Variants in RBFOX1 observed in about 807,000 individuals in gnomAD.
RBFOX1 encodes the protein RNA binding fox-1 homolog 1.
In RBFOX1, 8 loss-of-function variants were observed where a neutral mutation model predicts 57.7. That is an observed-to-expected ratio of 0.14 (90% CI 0.08 to 0.25). The LOEUF (loss-of-function observed/expected upper bound fraction) is 0.25. Ranked by LOEUF, RBFOX1 falls within the 10% of genes least tolerant of loss-of-function variation. RBFOX1 has a pLI of 1.00. For synonymous variants in RBFOX1, 326 were observed against 222.4 expected, an observed-to-expected ratio of 1.47 and a Z score of -4.15; for missense variants, 611 against 548.5, an observed-to-expected ratio of 1.11 and a Z score of -1.14.
intron 4 of RBFOX1, among the ~76,000 whole-genome samples, chr16:7,275,161 G>C (rs1485765291): frequency 6.6e-6 from 1 of 152,064 alleles, no homozygotes; most frequent in African/African-American, 2.4e-5. Flanking sequence ...AAGAGAGAAA[G>C]AAGGGATAGA....
At chr16:5,816,233 C>T (rs1013005152) in intron 3 of RBFOX1, among the ~76,000 whole-genome samples, 8 of 152,166 alleles carry the variant, frequency 5.3e-5, no homozygotes, top group South Asian at 2.1e-4. Context: ...CAGAAGCAGG[C>T]GGAATACCTT....
At chr16:5,987,753 A>T (rs2060310475) in intron 4 of RBFOX1, among the ~76,000 whole-genome samples, 1 of 152,156 alleles carries the variant, frequency 6.6e-6, no homozygotes, top group African/African-American at 2.4e-5. Context: ...TTTGAGGTTT[A>T]TCTTTTTTGT....
intron 4 of RBFOX1, among the ~76,000 whole-genome samples, chr16:7,202,697 G>C (rs1321244552): frequency 2.6e-5 from 4 of 152,282 alleles, no homozygotes; most frequent in African/African-American, 7.2e-5. Flanking sequence ...AAACTCTTTT[G>C]TGAACTCTGC....
At chr16:6,741,264 A>G (rs1353828788) in intron 3 of RBFOX1, among the ~76,000 whole-genome samples, 2 of 152,208 alleles carry the variant, frequency 1.3e-5, no homozygotes, top group Middle Eastern at 3.2e-3. Flanking sequence ...AAAACATAAA[A>G]CTATAAAACT....
intron 1 of RBFOX1, among the ~76,000 whole-genome samples, chr16:5,261,393 A>G (rs1319476743): frequency 7.9e-5 from 12 of 152,148 alleles, no homozygotes; most frequent in Non-Finnish European, 5.9e-5. Context: ...TAAAGAGCTC[A>G]GAAATACTGT....
At chr16:7,394,814 C>T (rs1597352119) in intron 4 of RBFOX1, among the ~76,000 whole-genome samples, 2 of 152,210 alleles carry the variant, frequency 1.3e-5, no homozygotes, top group African/African-American at 4.8e-5. Flanking sequence ...GCTGCAGACT[C>T]ATCCAGGATT....
intron 4 of RBFOX1, among the ~76,000 whole-genome samples, chr16:7,383,557 C>A (rs1458027496): frequency 6.6e-6 from 1 of 152,138 alleles, no homozygotes; most frequent in Non-Finnish European, 1.5e-5. Flanking sequence ...ACTTTCCTGA[C>A]ATATTGACCT....
At position 5,743,046 on chromosome 16, in the gene RBFOX1, G is replaced by T. The variant is rs563658153; in HGVS notation, c.319-124257G>T. 4.6e-5 allele frequency among the ~76,000 whole-genome samples: 7 copies of T among 151,340 alleles called. No homozygotes were observed. In the South Asian group the frequency reaches 1.5e-3, roughly 32 times the overall value. Reference sequence around the variant, plus strand: ...GATTAACTCCGCTTACTATTAGCCTGTTTTTTTTTCTCCAAGTGCTTTTCT... The same window carrying T: ...GATTAACTCCGCTTACTATTAGCCTTTTTTTTTTTCTCCAAGTGCTTTTCT... On this transcript the variant is annotated intron_variant, in intron 3 of 19. Transcript: ENST00000641259.
At chr16:6,947,389 C>CCTGG (rs1176733744) in intron 3 of RBFOX1, among the ~76,000 whole-genome samples, 1 of 152,146 alleles carries the variant, frequency 6.6e-6, no homozygotes, top group African/African-American at 2.4e-5. Context: ...AATCGCTCTC[C>CCTGG]CTGGTTTCCT....
intron 5 of RBFOX1, among the ~76,000 whole-genome samples, chr16:7,560,085 A>G (rs1224850061): frequency 6.6e-6 from 1 of 152,234 alleles, no homozygotes; most frequent in African/African-American, 2.4e-5. Context: ...TGGGTGTTCC[A>G]CACCCTTACC....
At chr16:5,286,932 A>G (rs1311372948) in intron 1 of RBFOX1, among the ~76,000 whole-genome samples, 1 of 152,184 alleles carries the variant, frequency 6.6e-6, no homozygotes, top group Non-Finnish European at 1.5e-5. Flanking sequence ...ACCAGTCACA[A>G]TTTATTCCCT....
intron 1 of RBFOX1, among the ~76,000 whole-genome samples, chr16:5,437,588 A>G (rs964198559): frequency 6.6e-6 from 1 of 152,346 alleles, no homozygotes; most frequent in Admixed American, 6.5e-5. Flanking sequence ...TGCACTAAAA[A>G]TTGTTTTTAA....
intron 3 of RBFOX1, among the ~76,000 whole-genome samples, chr16:6,827,322 TA>T (rs1683985689): frequency 6.6e-6 from 1 of 152,124 alleles, no homozygotes; most frequent in African/African-American, 2.4e-5. Flanking sequence ...TGGTTACAGA[TA>T]AAGCAAGTAA....
intron 2 of RBFOX1, among the ~76,000 whole-genome samples, chr16:6,480,317 A>G (rs1274280972): frequency 3.9e-5 from 6 of 152,136 alleles, no homozygotes; most frequent in Non-Finnish European, 7.3e-5. Flanking sequence ...AAAGGGCCAG[A>G]GAGTAAACAT....
chr16:5,361,206 G>C (rs928274259), intron 1 of RBFOX1, among the ~76,000 whole-genome samples: 2 of 152,144 alleles, frequency 1.3e-5, no homozygotes, highest in South Asian at 2.1e-4. Flanking sequence ...GGTCTTAATG[G>C]TGATATGGTT....
chr16:6,537,809 A>G lies in RBFOX1; in HGVS notation c.-63-116794A>G, dbSNP rs2096756172. 3.9e-5 allele frequency among the ~76,000 whole-genome samples: 6 copies of G among 152,304 alleles called. No homozygotes were observed. In the South Asian group the frequency reaches 1.2e-3, roughly 32 times the overall value. The stretch of plus-strand genomic sequence containing the variant: ...CTCACTGGTAGCTGAAATTCAGGAA[A>G]TGATTTACATATCCAGCAGGAGTGA... On this transcript the variant is annotated intron_variant, in intron 2 of 15. Coordinates refer to ENST00000550418, the MANE Select transcript of RBFOX1 (RefSeq NM_018723.4).
intron 2 of RBFOX1, among the ~76,000 whole-genome samples, chr16:6,600,747 A>G (rs2097843184): frequency 6.6e-6 from 1 of 152,224 alleles, no homozygotes; most frequent in African/African-American, 2.4e-5. Flanking sequence ...TCACAGACAG[A>G]CAGTATAAGT....
chr16:6,694,305 GACAA>G (rs754665775), intron 3 of RBFOX1, among the ~76,000 whole-genome samples: 4 of 152,136 alleles, frequency 2.6e-5, no homozygotes, highest in African/African-American at 4.8e-5. Flanking sequence ...TATTTATCTT[GACAA>G]ACAATTTAAG....
At chr16:6,380,026 G>C (rs2091630789) in intron 2 of RBFOX1, among the ~76,000 whole-genome samples, 2 of 152,190 alleles carry the variant, frequency 1.3e-5, no homozygotes, top group South Asian at 4.1e-4. Flanking sequence ...AGGCAAGAAA[G>C]AGCAAGTTGG....
Sources: allele counts gnomAD v4.1 joint callset (sites outside exome capture counted in the v4.1 genomes callset), GRCh38; gene constraint gnomAD v4.1.1; transcripts MANE v1.5; gene names NCBI Gene and HGNC (gene_info 2026-07-23, HGNC 2026-07-21).